Variants in TREML2 observed in about 807,000 individuals in gnomAD.
TREML2 encodes triggering receptor expressed on myeloid cells like 2.
In TREML2, 24 loss-of-function variants were observed where a neutral mutation model predicts 25.9. The observed-to-expected ratio is 0.93, with a 90% CI of 0.67 to 1.30. The LOEUF is 1.30. TREML2 is among the 50% of genes most tolerant of loss of function. TREML2 has a pLI of 0.00. For missense variants in TREML2, 359 were observed against 395.6 expected, an observed-to-expected ratio of 0.91 and a Z score of 0.78; for synonymous variants, 139 against 155.2, an observed-to-expected ratio of 0.90 and a Z score of 0.77.
chr6:41,193,582 C>A (rs1354948204), intron 3 of TREML2, among the ~76,000 whole-genome samples: 5 of 152,042 alleles, frequency 3.3e-5, no homozygotes, highest in Non-Finnish European at 5.9e-5. Context: ...CCCACTCCCC[C>A]ACCTTTTTTC....
intron 2 of TREML2, among the ~76,000 whole-genome samples, chr6:41,195,467 A>G (rs1348916798): frequency 3.9e-5 from 6 of 152,190 alleles, no homozygotes; most frequent in African/African-American, 1.2e-4. Context: ...TGATGGTTTT[A>G]TCTCAGCATG....
intron 2 of TREML2, among the ~76,000 whole-genome samples, chr6:41,196,453 A>G (rs753864513): frequency 1.3e-4 from 20 of 152,310 alleles, no homozygotes; most frequent in Admixed American, 3.3e-4. Context: ...TTTTCTATCT[A>G]ATAAATGTGG....
chr6:41,200,807 A>G, intron 1 of TREML2, 147 bp downstream of exon 1: 1 of 635,986 alleles, frequency 1.6e-6, no homozygotes, highest in South Asian at 3.1e-5. Context: ...ATTAGGGTAA[A>G]GAGCTAAGTC....
chr6:41,197,723 G>A (rs983848760), intron 2 of TREML2, among the ~76,000 whole-genome samples: 1 of 152,186 alleles, frequency 6.6e-6, no homozygotes, highest in Non-Finnish European at 1.5e-5. Context: ...ATCTCCCATA[G>A]TGCAGGATTG....
intron 3 of TREML2, among the ~76,000 whole-genome samples, chr6:41,193,683 TC>T (rs1766106665): frequency 6.6e-6 from 1 of 151,510 alleles, no homozygotes; most frequent in Non-Finnish European, 1.5e-5. Flanking sequence ...CACTTCCTAC[TC>T]CATGAGGCGC....
chr6:41,193,222 G>T (rs547583455), intron 3 of TREML2, among the ~76,000 whole-genome samples: 67 of 152,256 alleles, frequency 4.4e-4, no homozygotes, highest in African/African-American at 1.5e-3. Flanking sequence ...TCTCCTCAAG[G>T]GGTCTGAGGA....
At chr6:41,200,600 C>T (rs189304688) in intron 1 of TREML2, among the ~76,000 whole-genome samples, 2 of 152,332 alleles carry the variant, frequency 1.3e-5, no homozygotes, top group Non-Finnish European at 2.9e-5. Context: ...TCAAAACACA[C>T]ATGATGCAAT....
In TREML2 at chr6:41,192,614, G is replaced by A. The variant is rs142571354; in HGVS notation, c.887-108C>T. 4 of 1,270,810 alleles carry A rather than the reference G, an allele frequency of 3.1e-6. No individual in the cohort carries two copies. The African/African-American group carries it at 4.4e-5, about 14-fold the overall frequency. The allele number at this position is 1,270,810 out of a possible 1,614,324, so 78.7% of individuals were successfully genotyped here. On this transcript the variant is annotated intron_variant, in intron 4 of 4. Transcript: ENST00000483722. ...CTGGCTCTGCCTCTGGTTCCTTCCAGGTCATCCCCTTAGGGTTGTGCTGGG... is the reference window on the plus strand; with the variant it reads ...CTGGCTCTGCCTCTGGTTCCTTCCAAGTCATCCCCTTAGGGTTGTGCTGGG...
intron 3 of TREML2, among the ~76,000 whole-genome samples, chr6:41,193,736 A>C (rs6458198): frequency 0.43 from 64,397 of 149,918 alleles, 14,330 homozygotes; most frequent in African/African-American, 0.56. Context: ...ATCCACAGAC[A>C]CTTCAGGACA....
At chr6:41,198,487 T>G (rs1766219457) in intron 1 of TREML2, 58 bp from the exon 2 acceptor site, 5 of 1,510,504 alleles carry the variant, frequency 3.3e-6, no homozygotes, top group Non-Finnish European at 4.5e-6. Flanking sequence ...GAAGACATCA[T>G]GAAAGTTGAA....
intron 1 of TREML2, 145 bp downstream of exon 1, chr6:41,200,809 A>G: frequency 1.5e-6 from 1 of 657,430 alleles, no homozygotes; most frequent in Non-Finnish European, 2.4e-6. Context: ...TAGGGTAAAG[A>G]GCTAAGTCAG....
chr6:41,192,884 G>A lies in TREML2; in HGVS notation c.803C>T (p.Ser268Phe), dbSNP rs1432784599. 2.5e-6 allele frequency: 4 copies of A among 1,582,632 alleles called. No individual in the cohort carries two copies. Among genetic ancestry groups the A allele is most frequent in the Non-Finnish European group, 3.4e-6 (4 of 1,166,336 alleles). Reference sequence around the variant, plus strand: ...GGTCAGCACCACCCCAAGCACAGTGGAGTAAACATCCTGGTGCCTGAGAAG... The same window carrying A: ...GGTCAGCACCACCCCAAGCACAGTGAAGTAAACATCCTGGTGCCTGAGAAG... ...MPSIRHQDVYSTVLGVVLTLL... is the reference protein window; with the variant it reads ...MPSIRHQDVYFTVLGVVLTLL... The change falls in exon 4 of 5, where the codon TCC (serine) becomes TTC (phenylalanine). Residue 268 changes from serine (S) to phenylalanine (F), a missense_variant. Coordinates refer to ENST00000483722, the MANE Select transcript of TREML2 (RefSeq NM_024807.4).
chr6:41,193,596 T>A (rs1766105263), intron 3 of TREML2, among the ~76,000 whole-genome samples: 1 of 151,702 alleles, frequency 6.6e-6, no homozygotes, highest in African/African-American at 2.4e-5. Context: ...TTTTTTCCAG[T>A]GTTCATATAA....
chr6:41,190,470 T>C lies in TREML2; in HGVS notation c.*1957A>G, dbSNP rs1362543891. 6.6e-6 allele frequency: 1 copy of C among 152,230 alleles called. No homozygotes were observed. Among genetic ancestry groups the C allele is most frequent in the African/African-American group, 2.4e-5 (1 of 41,452 alleles). The allele number at this position is 152,230 out of a possible 1,614,324, so 9.4% of individuals were successfully genotyped here. On this transcript the variant is annotated 3_prime_UTR_variant, in exon 5 of 5. Transcript: ENST00000483722. ...AGCTGGAAAACAACTTAAGGAATAA[T>C]GGTAATGAGGCATTTGCATCATTGT...
chr6:41,190,658 C>G lies in TREML2; in HGVS notation c.*1769G>C, dbSNP rs1050826100. Reference sequence around the variant, plus strand: ...CCTGTCCCTGACTTCTTCCCTAGGGCTCCTCCTCCTGGGCATCTCACTCAG... The same window carrying G: ...CCTGTCCCTGACTTCTTCCCTAGGGGTCCTCCTCCTGGGCATCTCACTCAG... On this transcript the variant is annotated 3_prime_UTR_variant, in exon 5 of 5. Transcript: ENST00000483722. 2 of 152,256 alleles carry G rather than the reference C, an allele frequency of 1.3e-5. No homozygotes were observed. The highest frequency in any genetic ancestry group is 4.8e-5 in the African/African-American group (2 of 41,466). 9.4% of individuals were successfully genotyped at this position (152,256 alleles called of 1,614,324 possible). A position where few individuals can be genotyped will look rare whatever the true frequency, so the allele number is the denominator to read the frequency against.
intron 3 of TREML2, 109 bp downstream of exon 3, chr6:41,194,316 C>T: frequency 8.6e-7 from 1 of 1,160,348 alleles, no homozygotes; most frequent in South Asian, 1.7e-5. Context: ...AAGCAGGCCA[C>T]ATTGGGTTCC....
At chr6:41,194,085 A>G (rs1324057755) in intron 3 of TREML2, among the ~76,000 whole-genome samples, 3 of 118,034 alleles carry the variant, frequency 2.5e-5, no homozygotes, top group Non-Finnish European at 5.3e-5. Context: ...TCCTCCTTTC[A>G]CCTGACCTTC....
rs772761739 is a variant in TREML2, at chr6:41,191,168, CCTGT to C, written c.*1255_*1258del. The C allele has an allele frequency of 0.029, 3,457 of 119,942 alleles. 69 individuals carry two copies. Among genetic ancestry groups the C allele is most frequent in the Non-Finnish European group, 0.039 (2,221 of 57,120 alleles). The allele number at this position is 119,942 out of a possible 1,614,324, so 7.4% of individuals were successfully genotyped here. ...TCCAGTCACTCCAGGTCAGTAGACA[CCTGT>C]GTGTGTGTGTGTGTGTGTGTGTGTG... On this transcript the variant is annotated 3_prime_UTR_variant, in exon 5 of 5. Coordinates refer to ENST00000483722, the MANE Select transcript of TREML2 (RefSeq NM_024807.4).
chr6:41,200,111 C>A (rs1766249052), intron 1 of TREML2, among the ~76,000 whole-genome samples: 2 of 152,228 alleles, frequency 1.3e-5, no homozygotes, highest in South Asian at 4.1e-4. Flanking sequence ...CAAGTCCCAG[C>A]CAGCAGCCAC....
Sources: allele counts gnomAD v4.1 joint callset (sites outside exome capture counted in the v4.1 genomes callset), GRCh38; gene constraint gnomAD v4.1.1; transcripts MANE v1.5; gene names NCBI Gene and HGNC (gene_info 2026-07-23, HGNC 2026-07-21).